The following STK10 variants were observed in gnomAD, a reference collection of about 807,000 sequenced individuals.
STK10 encodes the protein serine/threonine kinase 10, also known as serine/threonine-protein kinase 10.
A neutral mutation model predicts 113.8 loss-of-function variants in STK10; 78 were observed. The ratio of observed to expected loss-of-function variants is 0.69; its 90% confidence interval spans 0.57 to 0.83. The LOEUF (loss-of-function observed/expected upper bound fraction) is 0.83. Ranked by LOEUF, STK10 falls within the 40% of genes least tolerant of loss-of-function variation. The pLI is 0.00. For missense variants in STK10, 1,109 were observed against 1,280.1 expected (o/e 0.87, Z 2.04); for synonymous variants, 465 against 494.7 (o/e 0.94, Z 0.80).
At chr5:172,055,534 C>G in intron 16 of STK10, 54 bp downstream of exon 16, 1 of 1,355,100 alleles carries the variant, frequency 7.4e-7, no homozygotes, top group Non-Finnish European at 9.6e-7. Context: ...CCCGCCAAAC[C>G]TGGCCCTGCC....
intron 1 of STK10, among the ~76,000 whole-genome samples, chr5:172,160,115 G>A (rs1700050742): frequency 6.7e-6 from 1 of 149,702 alleles, no homozygotes; most frequent in Non-Finnish European, 1.5e-5. Context: ...CAGCTTGGGC[G>A]ACAGAGTGAG....
At chr5:172,156,490 C>T in intron 2 of STK10, 134 bp downstream of exon 2, 1 of 1,189,854 alleles carries the variant, frequency 8.4e-7, no homozygotes, top group African/African-American at 1.5e-5. Flanking sequence ...GAGCTCCCTA[C>T]TTCACCATCT....
chr5:172,186,799 A>G (rs1222381482), intron 1 of STK10, among the ~76,000 whole-genome samples: 1 of 152,130 alleles, frequency 6.6e-6, no homozygotes, highest in Non-Finnish European at 1.5e-5. Flanking sequence ...TGATGCTATT[A>G]TAACACCGGT....
intron 1 of STK10, among the ~76,000 whole-genome samples, chr5:172,175,214 C>T (rs76859593): frequency 0.044 from 6,655 of 152,140 alleles, 445 homozygotes; most frequent in African/African-American, 0.15. Context: ...ATGGAGTCTT[C>T]CTATGTTTCC....
At chr5:172,059,146 C>T (rs1324728907) in intron 14 of STK10, among the ~76,000 whole-genome samples, 9 of 151,994 alleles carry the variant, frequency 5.9e-5, no homozygotes, top group East Asian at 1.9e-4. Context: ...AGGAGAATGG[C>T]GCAGTGGCTC....
chr5:172,169,540 TGGAC>T lies in STK10; in HGVS notation c.157-12756_157-12753del, dbSNP rs1371723234. Among the ~76,000 whole-genome samples, 8 of 151,858 alleles carry T rather than the reference TGGAC, an allele frequency of 5.3e-5. No homozygotes were observed. In the East Asian group the frequency reaches 1.3e-3, roughly 26 times the overall value. ...GTGGATGGGCAGATGAATGGAAGGATGGACAGATGCATGGGAGAGTGAGTTGGCA... is the reference window on the plus strand; with the variant it reads ...GTGGATGGGCAGATGAATGGAAGGATAGATGCATGGGAGAGTGAGTTGGCA... On this transcript the variant is annotated intron_variant, in intron 1 of 18. Transcript: ENST00000176763.
At chr5:172,056,272 C>T (rs1238518994) in intron 15 of STK10, among the ~76,000 whole-genome samples, 2 of 152,210 alleles carry the variant, frequency 1.3e-5, no homozygotes, top group Non-Finnish European at 2.9e-5. Flanking sequence ...TGACTTCCAT[C>T]ACTGCATTTA....
At chr5:172,166,966 G>C (rs1770582841) in intron 1 of STK10, among the ~76,000 whole-genome samples, 2 of 151,924 alleles carry the variant, frequency 1.3e-5, no homozygotes, top group South Asian at 4.1e-4. Flanking sequence ...TCGAGGCCAG[G>C]CTGACCAACA....
chr5:172,147,329 C>T lies in STK10; in HGVS notation c.321+9295G>A, dbSNP rs143733034. ...CATGACTGACAACCGTGTACAGAGA[C>T]GTGATTGGAAAAAAAAGTGCACGGT... is the stretch of plus-strand genomic sequence containing the variant. On this transcript the variant is annotated intron_variant, in intron 2 of 18. Coordinates refer to ENST00000176763, the MANE Select transcript of STK10 (RefSeq NM_005990.4). Among the ~76,000 whole-genome samples, 212 of 151,268 alleles carry T rather than the reference C, an allele frequency of 1.4e-3. 3 individuals are homozygous for T. Among genetic ancestry groups the T allele is most frequent in the African/African-American group, 4.9e-3 (201 of 41,074 alleles).
chr5:172,123,561 G>A (rs566415012), intron 3 of STK10, among the ~76,000 whole-genome samples: 28 of 152,174 alleles, frequency 1.8e-4, no homozygotes, highest in South Asian at 8.3e-4. Flanking sequence ...GGACACAGAG[G>A]GGGTGCTAGC....
intron 7 of STK10, among the ~76,000 whole-genome samples, chr5:172,099,440 C>G (rs1768931265): frequency 6.6e-6 from 1 of 152,182 alleles, no homozygotes; most frequent in Admixed American, 6.5e-5. Flanking sequence ...ACTCAGGAGG[C>G]TGAGGCAGGA....
chr5:172,173,323 T>C (rs1458060661), intron 1 of STK10, among the ~76,000 whole-genome samples: 1 of 151,772 alleles, frequency 6.6e-6, no homozygotes, highest in Admixed American at 6.6e-5. Flanking sequence ...ACCAGGGAGG[T>C]TCGCCAGCTC....
intron 2 of STK10, among the ~76,000 whole-genome samples, chr5:172,148,391 C>T (rs939601972): frequency 6.6e-6 from 1 of 152,142 alleles, no homozygotes; most frequent in Non-Finnish European, 1.5e-5. Flanking sequence ...ACTGACCTGA[C>T]AGGAAGGGCT....
chr5:172,159,131 G>A (rs945578402), intron 1 of STK10, among the ~76,000 whole-genome samples: 5 of 152,208 alleles, frequency 3.3e-5, no homozygotes, highest in African/African-American at 1.2e-4. Flanking sequence ...AGGAGCTAGT[G>A]TCTGGGAAAT....
intron 7 of STK10, among the ~76,000 whole-genome samples, chr5:172,102,268 T>C (rs1440892670): frequency 1.3e-5 from 2 of 151,712 alleles, no homozygotes; most frequent in Non-Finnish European, 2.9e-5. Context: ...TCCTGATAGG[T>C]GGGCTAGGGA....
At chr5:172,137,765 C>A (rs1047346039) in intron 2 of STK10, among the ~76,000 whole-genome samples, 1 of 148,684 alleles carries the variant, frequency 6.7e-6, no homozygotes, top group East Asian at 2.0e-4. Flanking sequence ...TGGTGGCGGG[C>A]GCCTGTAGTC....
chr5:172,162,580 C>A (rs549757082), intron 1 of STK10, among the ~76,000 whole-genome samples: 2 of 152,148 alleles, frequency 1.3e-5, no homozygotes, highest in African/African-American at 4.8e-5. Flanking sequence ...TCTTTCTCTT[C>A]CTACTCCTCC....
intron 2 of STK10, among the ~76,000 whole-genome samples, chr5:172,131,932 G>A (rs542107747): frequency 6.6e-6 from 1 of 152,158 alleles, no homozygotes; most frequent in African/African-American, 2.4e-5. Flanking sequence ...ATTATAAAAG[G>A]GCTAGAGGCT....
chr5:172,048,501 C>T (rs75137217), intron 18 of STK10, among the ~76,000 whole-genome samples: 1,715 of 150,630 alleles, frequency 0.011, 18 homozygotes, highest in Non-Finnish European at 0.017. Flanking sequence ...CAGACTAATA[C>T]GGCCCAGAGC....
Sources: allele counts gnomAD v4.1 joint callset (sites outside exome capture counted in the v4.1 genomes callset), GRCh38; gene constraint gnomAD v4.1.1; transcripts MANE v1.5; gene names NCBI Gene and HGNC (gene_info 2026-07-23, HGNC 2026-07-21).